The following CAMK2D variants were observed in gnomAD, a reference collection of about 807,000 sequenced individuals.
CAMK2D encodes calcium/calmodulin dependent protein kinase II delta.
Under a neutral mutation model 84.0 loss-of-function variants are expected in CAMK2D, and 37 were observed. The ratio of observed to expected loss-of-function variants is 0.44; its 90% CI spans 0.34 to 0.58. The LOEUF (loss-of-function observed/expected upper bound fraction) is 0.58, where lower values mean the gene tolerates loss of function less well. Ranked by LOEUF, CAMK2D falls within the 20% of genes least tolerant of loss-of-function variation. The pLI is 0.02. For missense variants in CAMK2D, 448 were observed against 652.5 expected (o/e 0.69, Z 3.41); for synonymous variants, 202 against 212.5 (o/e 0.95, Z 0.43).
intron 3 of CAMK2D, among the ~76,000 whole-genome samples, chr4:113,630,381 C>G (rs2099084661): frequency 6.6e-6 from 1 of 152,158 alleles, no homozygotes; most frequent in Non-Finnish European, 1.5e-5. Flanking sequence ...AGAAAAATCA[C>G]TTGCACATTT....
chr4:113,746,458 A>G (rs927306802), intron 2 of CAMK2D, among the ~76,000 whole-genome samples: 2 of 152,174 alleles, frequency 1.3e-5, no homozygotes, highest in Non-Finnish European at 2.9e-5. Context: ...GATTATGGAC[A>G]TTATGATTAT....
In CAMK2D at chr4:113,705,099, T is replaced by C. The variant is rs552304304; in HGVS notation, c.161-43327A>G. 1.5e-3 allele frequency among the ~76,000 whole-genome samples: 229 copies of C among 149,854 alleles called. 1 individual carries two copies. Among genetic ancestry groups the C allele is most frequent in the African/African-American group, 5.5e-3 (223 of 40,612 alleles). ...GCTCACGCCTGTAATCCCAGCACTT[T>C]GGGAGGCCAGGATCGAGACCATCCT... On this transcript the variant is annotated intron_variant, in intron 2 of 20. Transcript: ENST00000511664.
At chr4:113,522,826 T>TCC (rs559452798) in intron 8 of CAMK2D, among the ~76,000 whole-genome samples, 326 of 152,336 alleles carry the variant, frequency 2.1e-3, no homozygotes, top group African/African-American at 7.5e-3. Flanking sequence ...GAATAAAATG[T>TCC]CCGCATGTCT....
intron 19 of CAMK2D, 79 bp from the exon 20 acceptor site, chr4:113,455,900 AGG>A: frequency 1.2e-6 from 1 of 835,002 alleles, no homozygotes; most frequent in Admixed American, 2.0e-5. Context: ...TAAACACTTC[AGG>A]GAACTGCAAA....
chr4:113,504,861 C>A (rs2098108442), intron 14 of CAMK2D, 115 bp downstream of exon 14: 3 of 382,766 alleles, frequency 7.8e-6, no homozygotes, highest in African/African-American at 2.2e-5. Context: ...ACCCAACACC[C>A]AACGAAATAA....
At chr4:113,577,079 C>T (rs952438387) in intron 4 of CAMK2D, among the ~76,000 whole-genome samples, 3 of 152,054 alleles carry the variant, frequency 2.0e-5, no homozygotes, top group Non-Finnish European at 2.9e-5. Context: ...AGTTCTCCTT[C>T]CCCTCCCCCC....
chr4:113,752,418 C>T (rs1350845282), intron 2 of CAMK2D, among the ~76,000 whole-genome samples: 3 of 152,002 alleles, frequency 2.0e-5, no homozygotes, highest in African/African-American at 7.2e-5. Context: ...AAATATAGAA[C>T]TTGACAATTT....
At chr4:113,744,253 A>C (rs2099599443) in intron 2 of CAMK2D, among the ~76,000 whole-genome samples, 1 of 152,198 alleles carries the variant, frequency 6.6e-6, no homozygotes, top group Non-Finnish European at 1.5e-5. Flanking sequence ...ATTTTATTTT[A>C]TGCAATGTGC....
intron 2 of CAMK2D, among the ~76,000 whole-genome samples, chr4:113,721,697 C>A (rs1002473456): frequency 6.6e-6 from 1 of 152,118 alleles, no homozygotes; most frequent in East Asian, 1.9e-4. Context: ...AAAGCAAAGA[C>A]TTCTAACAAA....
At chr4:113,695,852 C>T (rs1046021429) in intron 2 of CAMK2D, among the ~76,000 whole-genome samples, 2 of 152,060 alleles carry the variant, frequency 1.3e-5, no homozygotes, top group South Asian at 4.1e-4. Flanking sequence ...TGGTCCCCAT[C>T]GCTCACAGTG....
At position 113,547,654 on chromosome 4, in the gene CAMK2D, C is replaced by T. The variant is rs1044200877; in HGVS notation, c.404G>A (p.Arg135Gln). ...LHCHQMGVVH[R>Q]DLKPENLLLA... ...AACCGCATTACTCACCTTCAGGTCC[C>T]GATGGACCACGCCCATCTGATGGCA... Residue 135 changes from arginine to glutamine, a missense_variant, in exon 6 of 21, where the codon CGG becomes CAG. Physicochemically the swap from Arg to Gln is conservative, Grantham distance 43 (BLOSUM62 1). Transcript: ENST00000511664. 9.0e-6 allele frequency: 14 copies of T among 1,562,320 alleles called. No homozygotes were observed. The highest frequency in any genetic ancestry group is 1.1e-5 in the Non-Finnish European group (13 of 1,158,920).
At chr4:113,590,553 G>A (rs763677112) in intron 4 of CAMK2D, among the ~76,000 whole-genome samples, 4 of 152,010 alleles carry the variant, frequency 2.6e-5, no homozygotes, top group Admixed American at 6.6e-5. Context: ...ATCACTACAC[G>A]AGAACAGCAA....
intron 2 of CAMK2D, among the ~76,000 whole-genome samples, chr4:113,692,641 CAT>C (rs1370963520): frequency 2.0e-5 from 3 of 151,774 alleles, no homozygotes; most frequent in Non-Finnish European, 4.4e-5. Context: ...TTCATTCATA[CAT>C]ATTCATATAT....
Position 113,754,017 on chromosome 4 carries a change from GA to G in CAMK2D, c.160+5302del, listed in dbSNP as rs373038641. The G allele has an allele frequency of 1.6e-3, 1,530 of 934,942 alleles. 21 individuals are homozygous for G. The African/African-American group carries it at 0.024, about 15-fold the overall frequency. The allele number at this position is 934,942 out of a possible 1,614,324, so 57.9% of individuals were successfully genotyped here. A position where few individuals can be genotyped will look rare whatever the true frequency, so the allele number is the denominator to read the frequency against. On this transcript the variant is annotated intron_variant, in intron 2 of 20. Transcript: ENST00000511664. ...TTTATTTTTCCTAACACTGTCCACT[GA>G]AATCATTTAATATTTATTAAATAAA...
intron 2 of CAMK2D, among the ~76,000 whole-genome samples, chr4:113,673,280 G>A (rs1261884781): frequency 1.3e-5 from 2 of 152,312 alleles, no homozygotes; most frequent in African/African-American, 4.8e-5. Flanking sequence ...TTTAAAGGCA[G>A]GAAATTGTGG....
At chr4:113,570,630 C>T (rs557495534) in intron 4 of CAMK2D, among the ~76,000 whole-genome samples, 1 of 152,222 alleles carries the variant, frequency 6.6e-6, no homozygotes, top group East Asian at 1.9e-4. Flanking sequence ...TCATATTACA[C>T]TACATATAAA....
chr4:113,670,187 C>G (rs142533917), intron 2 of CAMK2D, among the ~76,000 whole-genome samples: 1 of 152,140 alleles, frequency 6.6e-6, no homozygotes, highest in Non-Finnish European at 1.5e-5. Context: ...GAGGCTGAGG[C>G]AGGAGAATCG....
At chr4:113,686,246 T>A (rs1213115543) in intron 2 of CAMK2D, among the ~76,000 whole-genome samples, 1 of 152,214 alleles carries the variant, frequency 6.6e-6, no homozygotes, top group Non-Finnish European at 1.5e-5. Flanking sequence ...TTTATCTACA[T>A]AGAAAGTTGT....
At chr4:113,474,427 C>T (rs1273247835) in intron 16 of CAMK2D, among the ~76,000 whole-genome samples, 1 of 149,008 alleles carries the variant, frequency 6.7e-6, no homozygotes, top group Non-Finnish European at 1.5e-5. Flanking sequence ...GAAAAAAATT[C>T]AGACGTGGAA....
Sources: gnomAD v4.1 joint callset for allele counts (sites outside exome capture counted in the v4.1 genomes callset) on GRCh38, gnomAD v4.1.1 for gene constraint, MANE v1.5 for transcripts, NCBI Gene and HGNC (gene_info 2026-07-23, HGNC 2026-07-21) for gene names.